Variants in SGSM1 observed in about 807,000 individuals in gnomAD.
SGSM1 encodes the protein small G protein signaling modulator 1, also known as RUN and TBC1 domain containing 2.
In SGSM1, 73 loss-of-function variants were observed where a neutral mutation model predicts 133.8. The ratio of observed to expected loss-of-function variants is 0.55; its 90% CI spans 0.45 to 0.66. SGSM1 has a LOEUF of 0.66. Among genes scored for constraint, SGSM1 ranks in the 30% least tolerant of loss-of-function variants. The pLI is 0.00. For missense variants in SGSM1, 1,213 were observed against 1,448.1 expected, an observed-to-expected ratio of 0.84 and a Z score of 2.64; for synonymous variants, 563 against 573.0, an observed-to-expected ratio of 0.98 and a Z score of 0.25.
intron 16 of SGSM1, among the ~76,000 whole-genome samples, chr22:24,892,394 C>G (rs890410940): frequency 6.6e-6 from 1 of 152,178 alleles, no homozygotes; most frequent in East Asian, 1.9e-4. Flanking sequence ...AGCCTGTTAC[C>G]TGGGCTGTGT....
At chr22:24,860,897 T>TAAAAA (rs554853690) in intron 9 of SGSM1, among the ~76,000 whole-genome samples, 2 of 43,886 alleles carry the variant, frequency 4.6e-5, no homozygotes, top group African/African-American at 1.7e-4. Flanking sequence ...GAGACTGTCT[T>TAAAAA]AAAAAAAAAA....
chr22:24,849,559 A>G (rs986780631), intron 4 of SGSM1, among the ~76,000 whole-genome samples: 2 of 152,340 alleles, frequency 1.3e-5, no homozygotes, highest in Admixed American at 6.5e-5. Context: ...TCTCAAAACA[A>G]CAACAAAAAA....
chr22:24,858,172 G>T (rs1217270944), intron 8 of SGSM1, among the ~76,000 whole-genome samples: 1 of 152,022 alleles, frequency 6.6e-6, no homozygotes, highest in Non-Finnish European at 1.5e-5. Context: ...TTGACATGGG[G>T]TCTCGCTATG....
intron 22 of SGSM1, among the ~76,000 whole-genome samples, chr22:24,916,530 C>G (rs1029009989): frequency 2.0e-5 from 3 of 152,064 alleles, no homozygotes; most frequent in Non-Finnish European, 4.4e-5. Context: ...CCGTCCGTCT[C>G]TATTAAAAAT....
intron 2 of SGSM1, among the ~76,000 whole-genome samples, chr22:24,810,944 C>T (rs1927698414): frequency 6.6e-6 from 1 of 152,138 alleles, no homozygotes; most frequent in Non-Finnish European, 1.5e-5. Flanking sequence ...TACTGTGACC[C>T]AGTGGTTCTT....
chr22:24,893,362 A>G (rs1932847066), intron 16 of SGSM1, 69 bp from the exon 17 acceptor site: 2 of 1,541,054 alleles, frequency 1.3e-6, no homozygotes, highest in African/African-American at 1.4e-5. Flanking sequence ...ACTCTCTTCC[A>G]CGTTGGTCTG....
intron 22 of SGSM1, among the ~76,000 whole-genome samples, chr22:24,916,366 C>T (rs988013989): frequency 1.3e-5 from 2 of 152,004 alleles, no homozygotes; most frequent in African/African-American, 4.8e-5. Context: ...CAAGGTTTAT[C>T]CTGTATGTAT....
intron 17 of SGSM1, among the ~76,000 whole-genome samples, chr22:24,894,462 A>C (rs1159894941): frequency 6.6e-6 from 1 of 152,234 alleles, no homozygotes; most frequent in Non-Finnish European, 1.5e-5. Context: ...TGTGTAACAA[A>C]CAACCACCAA....
chr22:24,886,833 G>A, intron 16 of SGSM1, 105 bp downstream of exon 16: 1 of 1,384,642 alleles, frequency 7.2e-7, no homozygotes, highest in Non-Finnish European at 9.6e-7. Context: ...AGGGGAGGGA[G>A]ATACGGGGAA....
chr22:24,827,480 C>G (rs576019243), intron 2 of SGSM1, among the ~76,000 whole-genome samples: 1 of 152,054 alleles, frequency 6.6e-6, no homozygotes, highest in East Asian at 1.9e-4. Flanking sequence ...CGTGGAGGGA[C>G]GGGGCTGGGC....
intron 12 of SGSM1, chr22:24,874,383 C>A: frequency 6.3e-7 from 1 of 1,582,828 alleles, no homozygotes; most frequent in South Asian, 1.2e-5. Flanking sequence ...AGAACCCCCA[C>A]CTCACTGGTT....
chr22:24,824,501 C>T (rs986351536), intron 2 of SGSM1, among the ~76,000 whole-genome samples: 6 of 152,190 alleles, frequency 3.9e-5, no homozygotes, highest in Admixed American at 3.9e-4. Context: ...CATCACCAGC[C>T]CCATTCCAAC....
intron 2 of SGSM1, among the ~76,000 whole-genome samples, chr22:24,817,713 G>A (rs557581389): frequency 2.4e-3 from 360 of 152,220 alleles, no homozygotes; most frequent in Non-Finnish European, 3.6e-3. Flanking sequence ...CCCAAGTACG[G>A]TTTAGCATCA....
At chr22:24,922,829 CAA>C (rs1934061652) in intron 24 of SGSM1, among the ~76,000 whole-genome samples, 1 of 152,172 alleles carries the variant, frequency 6.6e-6, no homozygotes, top group African/African-American at 2.4e-5. Flanking sequence ...TTTGCAAAGA[CAA>C]AGTCATTGAT....
Position 24,847,380 on chromosome 22 carries a change from G to A in SGSM1, c.140-254G>A, listed in dbSNP as rs143665058. Among the ~76,000 whole-genome samples the A allele has an allele frequency of 4.1e-3, 628 of 152,252 alleles. 4 individuals are homozygous for A. The highest frequency in any genetic ancestry group is 0.01 in the Middle Eastern group (3 of 294). ...TTCATGAGTTTTGTCACAAGAATTA[G>A]GAAAGGTAAGTCTTAACAATTATCC... On this transcript the variant is annotated intron_variant, in intron 3 of 24. Coordinates refer to ENST00000400358, the MANE Select transcript of SGSM1 (RefSeq NM_001098497.3).
chr22:24,914,061 C>T (rs1484818427), intron 22 of SGSM1, among the ~76,000 whole-genome samples: 4 of 150,802 alleles, frequency 2.7e-5, no homozygotes, highest in Admixed American at 6.6e-5. Context: ...GAGGTTGAGG[C>T]GGGCGGATCA....
rs561345982 is a variant in SGSM1, at chr22:24,808,381, T to C, written c.63+1897T>C. On this transcript the variant is annotated intron_variant, in intron 2 of 24. Transcript: ENST00000400358. ...CGCCTGCCTCGGCCTCCCAAAGTGC[T>C]GGAATTACAGGCGTGAGCCACTGCT... Among the ~76,000 whole-genome samples the C allele has an allele frequency of 1.2e-4, 19 of 152,330 alleles. 1 individual carries two copies. In the South Asian group the frequency reaches 3.9e-3, roughly 32 times the overall value.
chr22:24,885,742 C>A (rs1356851906), intron 15 of SGSM1, among the ~76,000 whole-genome samples: 1 of 152,134 alleles, frequency 6.6e-6, no homozygotes, highest in African/African-American at 2.4e-5. Context: ...TTATGTGGGT[C>A]CCCATAGATG....
At chr22:24,855,850 C>T (rs1340280431) in intron 8 of SGSM1, 170 bp downstream of exon 8, 1 of 976,214 alleles carries the variant, frequency 1.0e-6, no homozygotes, top group Admixed American at 2.0e-5. Flanking sequence ...TATTTACACG[C>T]ACCCATCCTT....
Sources: gnomAD v4.1 joint callset for allele counts (sites outside exome capture counted in the v4.1 genomes callset) on GRCh38, gnomAD v4.1.1 for gene constraint, MANE v1.5 for transcripts, NCBI Gene and HGNC (gene_info 2026-07-23, HGNC 2026-07-21) for gene names.